Variants in SIRPG observed in about 807,000 individuals in gnomAD.
SIRPG encodes the protein signal regulatory protein gamma.
Under a neutral mutation model 35.7 loss-of-function variants are expected in SIRPG, and 38 were observed. That is an observed-to-expected ratio of 1.06 (90% confidence interval 0.82 to 1.40). The LOEUF is 1.40. Ranked by LOEUF, SIRPG falls within the 40% of genes most tolerant of loss-of-function variation. The probability of loss-of-function intolerance (pLI) is 0.00; values close to 1 mark genes in which losing one functional copy is unlikely to be tolerated. For synonymous variants in SIRPG, 215 were observed against 190.4 expected (o/e 1.13, Z -1.06); for missense variants, 519 against 483.0 (o/e 1.07, Z -0.70).
chr20:1,630,429 C>A, intron 4 of SIRPG, 123 bp from the exon 5 acceptor site: 1 of 691,240 alleles, frequency 1.4e-6, no homozygotes, highest in Non-Finnish European at 2.5e-6. Context: ...AACCTGCATC[C>A]TGCCCAGGCT....
chr20:1,653,482 A>G (rs983790170), intron 1 of SIRPG, among the ~76,000 whole-genome samples: 1 of 152,194 alleles, frequency 6.6e-6, no homozygotes, highest in Admixed American at 6.5e-5. Context: ...GATAAGGATA[A>G]GGGTATGGAT....
chr20:1,654,566 T>A (rs1043779644), intron 1 of SIRPG, among the ~76,000 whole-genome samples: 1 of 152,230 alleles, frequency 6.6e-6, no homozygotes, highest in African/African-American at 2.4e-5. Flanking sequence ...AAGATTTAAA[T>A]GTAAGATCTG....
intron 1 of SIRPG, among the ~76,000 whole-genome samples, chr20:1,656,120 C>T (rs1195163619): frequency 1.3e-5 from 2 of 152,172 alleles, no homozygotes; most frequent in Non-Finnish European, 2.9e-5. Context: ...TAGTGTTTTA[C>T]CTCTGATTGT....
At chr20:1,673,818 G>A in the SIRPG span, among the ~76,000 whole-genome samples, 1 of 152,220 alleles carries the variant, frequency 6.6e-6, no homozygotes, top group Admixed American at 6.5e-5. Context: ...ACATCTTCGT[G>A]TGTGGAGGCA....
At chr20:1,658,086 C>T (rs565740830), upstream of SIRPG, among the ~76,000 whole-genome samples, 20 of 152,110 alleles carry the variant, frequency 1.3e-4, no homozygotes, top group Non-Finnish European at 2.9e-4. Flanking sequence ...TTTCTAAAGT[C>T]TTTATTTCAA....
chr20:1,685,592 G>A, the SIRPG span, among the ~76,000 whole-genome samples: 1 of 152,094 alleles, frequency 6.6e-6, no homozygotes, highest in African/African-American at 2.4e-5. Flanking sequence ...AATTTTAGCT[G>A]CCCAGTCTGT....
chr20:1,654,755 G>A (rs1458573965), intron 1 of SIRPG, among the ~76,000 whole-genome samples: 1 of 152,132 alleles, frequency 6.6e-6, no homozygotes, highest in African/African-American at 2.4e-5. Flanking sequence ...ACAACCTATA[G>A]AATGGAAGAA....
intron 1 of SIRPG, among the ~76,000 whole-genome samples, chr20:1,654,647 C>A (rs540734739): frequency 1.3e-5 from 2 of 152,024 alleles, no homozygotes; most frequent in Admixed American, 6.6e-5. Context: ...ATTTGAGCCC[C>A]AAAGCACAGG....
intron 1 of SIRPG, among the ~76,000 whole-genome samples, chr20:1,653,427 T>C (rs576055717): frequency 6.6e-6 from 1 of 152,334 alleles, no homozygotes; most frequent in Non-Finnish European, 1.5e-5. Context: ...TATTGCTCAG[T>C]AGATTTCTGA....
intron 2 of SIRPG, among the ~76,000 whole-genome samples, chr20:1,645,872 G>A (rs897211552): frequency 1.3e-5 from 2 of 152,222 alleles, no homozygotes; most frequent in African/African-American, 4.8e-5. Context: ...TAGAGTAGGG[G>A]CCATGATTAT....
intron 2 of SIRPG, among the ~76,000 whole-genome samples, chr20:1,636,871 A>C (rs938550011): frequency 9.0e-6 from 1 of 111,290 alleles, no homozygotes; most frequent in African/African-American, 3.7e-5. Context: ...CCAACCTCAG[A>C]GAGGGTGTTT....
At chr20:1,655,181 T>C (rs191592329) in intron 1 of SIRPG, among the ~76,000 whole-genome samples, 5 of 152,156 alleles carry the variant, frequency 3.3e-5, no homozygotes, top group Admixed American at 3.3e-4. Context: ...TACTGGCATA[T>C]ATCCAAAGGA....
At chr20:1,636,064 C>A (rs773992685) in intron 3 of SIRPG, 124 bp downstream of exon 3, 201 of 1,360,086 alleles carry the variant, frequency 1.5e-4, no homozygotes, top group Non-Finnish European at 1.9e-4. Flanking sequence ...AGGTGCATGG[C>A]GGGCGGGCAG....
the SIRPG span, among the ~76,000 whole-genome samples, chr20:1,680,559 A>C: frequency 6.6e-6 from 1 of 152,224 alleles, no homozygotes; most frequent in Non-Finnish European, 1.5e-5. Context: ...AAAATACTCA[A>C]CCAAATACTA....
chr20:1,644,363 G>T (rs1382579515), intron 2 of SIRPG, among the ~76,000 whole-genome samples: 1 of 152,232 alleles, frequency 6.6e-6, no homozygotes, highest in Non-Finnish European at 1.5e-5. Context: ...CAGCTGGTGT[G>T]TTGGGCTGTG....
chr20:1,646,504 G>A (rs186622240), intron 2 of SIRPG: 2 of 152,232 alleles, frequency 1.3e-5, no homozygotes, highest in Non-Finnish European at 2.9e-5. Context: ...AGCACAACAT[G>A]GGGGGAGAGT....
At chr20:1,685,684 A>C in the SIRPG span, among the ~76,000 whole-genome samples, 3 of 152,190 alleles carry the variant, frequency 2.0e-5, no homozygotes, top group Admixed American at 1.3e-4. Context: ...AAGAGGGCAC[A>C]AAAAAATGGG....
At chr20:1,630,160 C>T in intron 5 of SIRPG, 62 bp downstream of exon 5, 1 of 1,285,586 alleles carries the variant, frequency 7.8e-7, no homozygotes, top group South Asian at 1.3e-5. Flanking sequence ...TGGGCTGGGC[C>T]TTCCTGTTGG....
the SIRPG span, among the ~76,000 whole-genome samples, chr20:1,679,408 C>T: frequency 1.3e-5 from 2 of 152,144 alleles, no homozygotes; most frequent in Admixed American, 6.5e-5. Flanking sequence ...TTTTTGTCCT[C>T]CTCTGCTGTG....
Sources: gnomAD v4.1 joint callset for allele counts (sites outside exome capture counted in the v4.1 genomes callset) on GRCh38, gnomAD v4.1.1 for gene constraint, MANE v1.5 for transcripts, NCBI Gene and HGNC (gene_info 2026-07-23, HGNC 2026-07-21) for gene names.